The following CDH17 variants were observed in gnomAD, a reference collection of about 807,000 sequenced individuals.
CDH17 encodes cadherin-17.
CDH17 carries 67 observed loss-of-function variants against 86.3 expected under a neutral mutation model. The ratio of observed to expected loss-of-function variants is 0.78; its 90% confidence interval spans 0.64 to 0.95. The LOEUF is 0.95. Ranked by LOEUF, CDH17 falls within the 40% of genes least tolerant of loss-of-function variation. The pLI, the probability that CDH17 is intolerant of heterozygous loss-of-function variation, is 0.00. For missense variants in CDH17, 993 were observed against 1,017.6 expected (o/e 0.98, Z 0.33); for synonymous variants, 367 against 366.4 (o/e 1.00, Z -0.02).
At chr8:94,168,615 A>G (rs1275795622) in intron 9 of CDH17, among the ~76,000 whole-genome samples, 1 of 151,976 alleles carries the variant, frequency 6.6e-6, no homozygotes, top group African/African-American at 2.4e-5. Flanking sequence ...TCCACTAAAG[A>G]CTCTGAAATA....
upstream of CDH17, among the ~76,000 whole-genome samples, chr8:94,211,398 G>A (rs1019206625): frequency 2.0e-5 from 3 of 151,998 alleles, no homozygotes; most frequent in African/African-American, 4.8e-5. Flanking sequence ...TGCAACCTCC[G>A]CCTCCCAGTT....
At chr8:94,151,835 C>CA (rs1388515915) in intron 13 of CDH17, 33 bp downstream of exon 13, 2 of 1,612,522 alleles carry the variant, frequency 1.2e-6, no homozygotes, top group Non-Finnish European at 1.7e-6. Context: ...GGTGACCACG[C>CA]AGCCAGGCCT....
rs201712089 is a variant in CDH17 at position 94,151,896 on chromosome 8, C to T, written c.1768G>A (p.Ala590Thr). Residue 590 changes from alanine to threonine, a missense_variant, in exon 13 of 18, where the codon GCC becomes ACC. Coordinates refer to ENST00000027335, the MANE Select transcript of CDH17 (RefSeq NM_004063.4). The stretch of plus-strand genomic sequence containing the variant: ...ATGTCCAGACCTTCTGGATCCTTGG[C>T]AGTCACATTGCCCACTTTAGTGCCT... ...AIGTKVGNVT[A>T]KDPEGLDISY... 1.9e-6 allele frequency: 3 copies of T among 1,614,114 alleles called. No individual in the cohort carries two copies. The highest frequency in any genetic ancestry group is 4.5e-5 in the East Asian group (2 of 44,890).
At chr8:94,162,019 A>T in intron 11 of CDH17, 67 bp downstream of exon 11, 2 of 1,007,198 alleles carry the variant, frequency 2.0e-6, no homozygotes, top group Non-Finnish European at 3.1e-6. Context: ...CTGTGTCTCT[A>T]TCCCAGAAGA....
chr8:94,158,910 TC>T (rs1402271407), intron 12 of CDH17, among the ~76,000 whole-genome samples: 1 of 152,212 alleles, frequency 6.6e-6, no homozygotes, highest in Admixed American at 6.5e-5. Flanking sequence ...TTAGCCTCTT[TC>T]AGTTTTCTTT....
intron 3 of CDH17, among the ~76,000 whole-genome samples, chr8:94,188,173 A>C (rs1269307229): frequency 6.6e-6 from 1 of 152,168 alleles, no homozygotes; most frequent in East Asian, 1.9e-4. Context: ...ATGGTCATGG[A>C]ACCTACTCGC....
At chr8:94,184,069 A>G (rs1307971121) in intron 3 of CDH17, among the ~76,000 whole-genome samples, 1 of 152,104 alleles carries the variant, frequency 6.6e-6, no homozygotes, top group Non-Finnish European at 1.5e-5. Context: ...GATAATAACA[A>G]GTGCTAAGGA....
Position 94,173,833 on chromosome 8 carries a change from T to A in CDH17, c.747A>T (p.Glu249Asp). 6.2e-7 allele frequency: 1 copy of A among 1,613,892 alleles called. No individual in the cohort carries two copies. Among genetic ancestry groups the A allele is most frequent in the Non-Finnish European group, 8.5e-7 (1 of 1,179,874 alleles). ...TGATGGGGTGAGGATCAGTTGAGTT[T>A]TCCACCATCTCCACAGGTTTTGGTG... ...WKAPKPVEMV[E>D]NSTDPHPIKI... Residue 249 changes from glutamate (E) to aspartate (D), a missense_variant, in exon 7 of 18, where the codon GAA (glutamate) becomes GAT (aspartate). Physicochemically the swap from Glu to Asp is conservative, Grantham distance 45. Transcript: ENST00000027335.
chr8:94,186,801 G>A (rs996709162), intron 3 of CDH17, among the ~76,000 whole-genome samples: 5 of 152,216 alleles, frequency 3.3e-5, no homozygotes, highest in Admixed American at 1.3e-4. Flanking sequence ...ATCTAGTTAC[G>A]GTTTTCCTTG....
rs1434260148 is a variant in CDH17 at position 94,162,081 on chromosome 8, C to T, written c.1359+5G>A. ...AAGAAAAAACAAATAATGACAACTA[C>T]TCACATCTGATTTTTCAAAGATGGG... On this transcript the variant is annotated splice_donor_5th_base_variant and intron_variant, in intron 11 of 17. Coordinates refer to ENST00000027335, the MANE Select transcript of CDH17 (RefSeq NM_004063.4). 4.0e-6 allele frequency: 6 copies of T among 1,515,074 alleles called. No homozygotes were observed. The African/African-American group carries it at 4.1e-5, about 10-fold the overall frequency. 93.9% of individuals were successfully genotyped at this position (1,515,074 alleles called of 1,614,324 possible).
At chr8:94,168,053 G>A (rs1221193278) in intron 9 of CDH17, among the ~76,000 whole-genome samples, 2 of 97,066 alleles carry the variant, frequency 2.1e-5, no homozygotes, top group Admixed American at 1.0e-4. Flanking sequence ...TTGGGGACAC[G>A]AGTTCCACAA....
rs879464191 is a variant in CDH17 at position 94,194,619 on chromosome 8, C to A, written c.51+16G>T. Reference sequence around the variant, plus strand: ...ATTCTAGTAAACAAATAGAGAAGAACACCCTCTTCTCTTACCAAATAAAGC... The same window carrying A: ...ATTCTAGTAAACAAATAGAGAAGAAAACCCTCTTCTCTTACCAAATAAAGC... On this transcript the variant is annotated intron_variant, in intron 2 of 17. Coordinates refer to ENST00000027335, the MANE Select transcript of CDH17 (RefSeq NM_004063.4). The A allele has an allele frequency of 6.5e-7, 1 of 1,540,580 alleles. No individual in the cohort carries two copies. Among genetic ancestry groups the A allele is most frequent in the Non-Finnish European group, 9.0e-7 (1 of 1,115,766 alleles).
At chr8:94,190,745 T>C (rs1159222228) in intron 2 of CDH17, among the ~76,000 whole-genome samples, 1 of 152,130 alleles carries the variant, frequency 6.6e-6, no homozygotes, top group Non-Finnish European at 1.5e-5. Flanking sequence ...TTTCCAGTTA[T>C]TTAGGGAGAG....
At chr8:94,175,605 G>A (rs1813356357) in intron 5 of CDH17, among the ~76,000 whole-genome samples, 4 of 152,264 alleles carry the variant, frequency 2.6e-5, no homozygotes, top group Non-Finnish European at 5.9e-5. Flanking sequence ...GCAACTGTTA[G>A]GAGGTGATGC....
At chr8:94,194,978 G>A (rs752689552) in intron 1 of CDH17, among the ~76,000 whole-genome samples, 4 of 152,222 alleles carry the variant, frequency 2.6e-5, no homozygotes, top group East Asian at 1.9e-4. Flanking sequence ...TCATTTCAGC[G>A]TCTTAAATGA....
At chr8:94,153,523 G>C (rs144921326) in intron 12 of CDH17, among the ~76,000 whole-genome samples, 120 of 152,270 alleles carry the variant, frequency 7.9e-4, no homozygotes, top group South Asian at 4.4e-3. Flanking sequence ...TATAAAGTCA[G>C]TATGTCAAAG....
intron 7 of CDH17, among the ~76,000 whole-genome samples, chr8:94,172,552 A>T (rs1401889567): frequency 6.6e-6 from 1 of 152,104 alleles, no homozygotes; most frequent in African/African-American, 2.4e-5. Context: ...TTCACAAAAC[A>T]CTGAAGTATT....
chr8:94,156,884 C>T (rs1812959641), intron 12 of CDH17, among the ~76,000 whole-genome samples: 1 of 152,202 alleles, frequency 6.6e-6, no homozygotes, highest in African/African-American at 2.4e-5. Context: ...TACCATTTTA[C>T]CCATTTTTAC....
chr8:94,136,488 A>T (rs889121776), intron 15 of CDH17, among the ~76,000 whole-genome samples: 1 of 152,170 alleles, frequency 6.6e-6, no homozygotes, highest in Non-Finnish European at 1.5e-5. Flanking sequence ...TTTCAGCTCT[A>T]TCAGGTCATT....
Sources: gnomAD v4.1 joint callset for allele counts (sites outside exome capture counted in the v4.1 genomes callset) on GRCh38, gnomAD v4.1.1 for gene constraint, MANE v1.5 for transcripts, NCBI Gene and HGNC (gene_info 2026-07-23, HGNC 2026-07-21) for gene names.